Variants in ROS1 observed in about 807,000 individuals in gnomAD.
ROS1 encodes proto-oncogene tyrosine-protein kinase ROS.
A neutral mutation model predicts 273.5 loss-of-function variants in ROS1; 263 were observed. The observed-to-expected ratio is 0.96, with a 90% CI of 0.87 to 1.06. The LOEUF (loss-of-function observed/expected upper bound fraction) is 1.06, where lower values mean the gene tolerates loss of function less well. Ranked by LOEUF, ROS1 falls within the 50% of genes least tolerant of loss-of-function variation. ROS1 has a pLI of 0.00. For synonymous variants in ROS1, 1,008 were observed against 954.1 expected (o/e 1.06, Z -1.04); for missense variants, 2,833 against 2,751.1 (o/e 1.03, Z -0.67).
intron 37 of ROS1, among the ~76,000 whole-genome samples, chr6:117,319,441 A>G (rs1335342232): frequency 1.3e-5 from 2 of 152,092 alleles, no homozygotes; most frequent in African/African-American, 2.4e-5. Flanking sequence ...ACACAGCCAC[A>G]CTCATTTATT....
chr6:117,417,052 G>A (rs905491268), intron 2 of ROS1, among the ~76,000 whole-genome samples: 1 of 151,834 alleles, frequency 6.6e-6, no homozygotes, highest in East Asian at 1.9e-4. Flanking sequence ...CTCCCGGAGC[G>A]AGTTCATCCC....
intron 33 of ROS1, among the ~76,000 whole-genome samples, chr6:117,327,257 A>G (rs1776707026): frequency 6.6e-6 from 1 of 152,220 alleles, no homozygotes. Context: ...GGGTAAGAAC[A>G]TCGGGAGCAG....
At chr6:117,372,046 C>T (rs990654653) in intron 18 of ROS1, among the ~76,000 whole-genome samples, 2 of 152,146 alleles carry the variant, frequency 1.3e-5, no homozygotes, top group African/African-American at 4.8e-5. Context: ...CAAACTTCAG[C>T]ATCCTTTATG....
chr6:117,290,972 T>C (rs1224786548), intron 43 of ROS1, among the ~76,000 whole-genome samples: 1 of 152,226 alleles, frequency 6.6e-6, no homozygotes, highest in Non-Finnish European at 1.5e-5. Context: ...AAACACATTA[T>C]TTTTTATTGA....
In ROS1 at chr6:117,296,366, T is replaced by C. The variant is rs563159953; in HGVS notation, c.6715+4608A>G. Among the ~76,000 whole-genome samples the C allele has an allele frequency of 3.3e-5, 5 of 151,956 alleles. No homozygotes were observed. The East Asian group carries it at 9.7e-4, about 30-fold the overall frequency. On this transcript the variant is annotated intron_variant, in intron 43 of 43. Transcript: ENST00000368507. The stretch of plus-strand genomic sequence containing the variant: ...CAGTGAGCCGAGATCATGCCATTGC[T>C]TTCTGGTCTGAGGGACAGAGTGAGA...
chr6:117,394,056 T>C, intron 11 of ROS1, 106 bp downstream of exon 11: 1 of 651,614 alleles, frequency 1.5e-6, no homozygotes, highest in Non-Finnish European at 2.4e-6. Flanking sequence ...TAGTAAATAC[T>C]TGAGTATGTA....
At chr6:117,408,379 C>T (rs1437557465) in intron 5 of ROS1, among the ~76,000 whole-genome samples, 1 of 152,138 alleles carries the variant, frequency 6.6e-6, no homozygotes, top group African/African-American at 2.4e-5. Context: ...AAAAAACAAA[C>T]AACCCCATCA....
rs772261492 is a variant in ROS1, at chr6:117,403,195, G to T, written c.548C>A (p.Ala183Glu). The T allele has an allele frequency of 5.6e-6, 9 of 1,612,856 alleles. No homozygotes were observed. The East Asian group carries it at 1.3e-4, about 24-fold the overall frequency. Residue 183 changes from alanine (A) to glutamate (E), a missense_variant, in exon 7 of 44, where the codon GCG (alanine) becomes GAG (glutamate). Physicochemically the swap from Ala to Glu is moderately radical, Grantham distance 107. Coordinates refer to ENST00000368507, the MANE Select transcript of ROS1 (RefSeq NM_001378902.1). ...TGGAGGGGAGTAGAGCTGCAGCTGC[G>T]CTGTGAAGATCCAAACCACTCGGAA... ...YIFRVVWIFT[A>E]QLQLYSPPSP...
chr6:117,291,503 T>C (rs1200169925), intron 43 of ROS1, among the ~76,000 whole-genome samples: 1 of 152,182 alleles, frequency 6.6e-6, no homozygotes, highest in Non-Finnish European at 1.5e-5. Flanking sequence ...GGATATTGTT[T>C]GGGCCATTTC....
intron 32 of ROS1, among the ~76,000 whole-genome samples, chr6:117,330,345 G>A (rs928594207): frequency 6.6e-6 from 1 of 152,236 alleles, no homozygotes; most frequent in Non-Finnish European, 1.5e-5. Context: ...CCCCTAGGGG[G>A]AGGGGTGGCT....
chr6:117,356,914 G>A lies in ROS1; in HGVS notation c.3841C>T (p.Arg1281Cys), dbSNP rs199725375. ...TTGGAAACTTCTGTCCAATACAAGC[G>A]ACTATAGAGGAAAAAAAAGTCCCCC... Reference protein sequence around the residue: ...ISFSVYPLLSRLYWTEVSNFG... With the variant: ...ISFSVYPLLSCLYWTEVSNFG... The change falls in exon 26 of 44, where the codon CGC becomes TGC. Residue 1281 changes from arginine (R) to cysteine (C), a missense_variant and splice_region_variant. Arg to Cys is a radical substitution (Grantham distance 180). Transcript: ENST00000368507. The A allele has an allele frequency of 4.6e-5, 74 of 1,600,316 alleles. No individual in the cohort carries two copies. Among genetic ancestry groups the A allele is most frequent in the Admixed American group, 1.6e-4 (9 of 56,786 alleles).
chr6:117,417,840 G>A (rs1401463708), intron 2 of ROS1, among the ~76,000 whole-genome samples: 4 of 152,174 alleles, frequency 2.6e-5, no homozygotes, highest in Non-Finnish European at 5.9e-5. Context: ...TTAGTTTGAA[G>A]GCCTTGCAGG....
intron 13 of ROS1, among the ~76,000 whole-genome samples, chr6:117,388,455 CT>C (rs1772775061): frequency 6.6e-6 from 1 of 152,118 alleles, no homozygotes; most frequent in Admixed American, 6.6e-5. Context: ...ACATAATTAA[CT>C]TTGTTCTAAA....
Position 117,383,524 on chromosome 6 carries a change from G to T in ROS1, c.2290-16C>A. 1 of 1,588,228 alleles carries T rather than the reference G, an allele frequency of 6.3e-7. No homozygotes were observed. The highest frequency in any genetic ancestry group is 2.2e-5 in the East Asian group (1 of 44,710). ...GCCTTTGTATCTAAAAAACATAATT[G>T]TATGGCCAGTTAATGGCTTTCAAGT... On this transcript the variant is annotated splice_polypyrimidine_tract_variant and intron_variant, in intron 16 of 43. Transcript: ENST00000368507.
At chr6:117,292,529 G>A (rs1035181023) in intron 43 of ROS1, among the ~76,000 whole-genome samples, 8 of 151,914 alleles carry the variant, frequency 5.3e-5, no homozygotes, top group African/African-American at 1.2e-4. Context: ...CTCCTATACC[G>A]GCTGCTCTCT....
intron 32 of ROS1, among the ~76,000 whole-genome samples, chr6:117,330,107 T>C (rs928522236): frequency 2.0e-5 from 3 of 152,220 alleles, no homozygotes; most frequent in Admixed American, 6.5e-5. Context: ...TCCATTTCTA[T>C]AGCTCCAGGC....
chr6:117,387,784 C>A lies in ROS1; in HGVS notation c.1995G>T (p.Val665=), dbSNP rs201025844. Residue 665 remains valine (V), a synonymous_variant, in exon 14 of 44, where the codon GTG becomes GTT. Transcript: ENST00000368507. The part of the protein sequence containing the change: ...WSEPSVGTTL[V]PASEPPFIMA... ...AAATCCAGAACATTTTCTCACCTGGCACCAGGGTAGTACCCACTGAGGGCT... is the reference window on the plus strand; with the variant it reads ...AAATCCAGAACATTTTCTCACCTGGAACCAGGGTAGTACCCACTGAGGGCT... The A allele has an allele frequency of 6.2e-7, 1 of 1,612,548 alleles. No individual in the cohort carries two copies. Among genetic ancestry groups the A allele is most frequent in the Non-Finnish European group, 8.5e-7 (1 of 1,179,482 alleles).
chr6:117,381,929 G>A (rs1224505929), intron 17 of ROS1, among the ~76,000 whole-genome samples: 1 of 152,124 alleles, frequency 6.6e-6, no homozygotes, highest in Non-Finnish European at 1.5e-5. Context: ...CCCCAAACAT[G>A]CTGAGATGAC....
At chr6:117,418,078 A>T (rs1775470044) in intron 2 of ROS1, among the ~76,000 whole-genome samples, 1 of 152,218 alleles carries the variant, frequency 6.6e-6, no homozygotes, top group Admixed American at 6.5e-5. Context: ...TTATACCTTA[A>T]GTCACTAAAC....
Sources: gnomAD v4.1 joint callset for allele counts (sites outside exome capture counted in the v4.1 genomes callset) on GRCh38, gnomAD v4.1.1 for gene constraint, MANE v1.5 for transcripts, NCBI Gene and HGNC (gene_info 2026-07-23, HGNC 2026-07-21) for gene names.